EPHB6: variants seen among roughly 807,000 people sequenced by gnomAD.
EPHB6 encodes ephrin type-B receptor 6.
Under a neutral mutation model 107.0 loss-of-function variants are expected in EPHB6, and 51 were observed. That is an observed-to-expected ratio of 0.48 (90% CI 0.38 to 0.60). EPHB6 has a LOEUF of 0.60. Ranked by LOEUF, EPHB6 falls within the 20% of genes least tolerant of loss-of-function variation. The pLI is 0.00. For missense variants in EPHB6, 1,141 were observed against 1,355.5 expected (o/e 0.84, Z 2.48); for synonymous variants, 553 against 549.0 (o/e 1.01, Z -0.10).
In EPHB6 at chr7:142,865,958, A is replaced by T; in HGVS notation, c.1106-2A>T. On this transcript the variant is annotated splice_acceptor_variant, in intron 8 of 19. Coordinates refer to ENST00000652003, the MANE Select transcript of EPHB6 (RefSeq NM_004445.6). LOFTEE classifies it high-confidence loss of function. Reference sequence around the variant, plus strand: ...GGACTGCCATATCCTCCGGCCCCCCAGGTCCTCCATCGGCTCCCCAGGAGC... The same window carrying T: ...GGACTGCCATATCCTCCGGCCCCCCTGGTCCTCCATCGGCTCCCCAGGAGC... The T allele has an allele frequency of 6.2e-7, 1 of 1,613,204 alleles. No individual in the cohort carries two copies. Among genetic ancestry groups the T allele is most frequent in the Non-Finnish European group, 8.5e-7 (1 of 1,179,868 alleles).
chr7:142,866,879 C>T lies in EPHB6; in HGVS notation c.1588-27C>T. 8 of 1,613,968 alleles carry T rather than the reference C, an allele frequency of 5.0e-6. No individual in the cohort carries two copies. The highest frequency in any genetic ancestry group is 6.8e-6 in the Non-Finnish European group (8 of 1,179,948). ...GAAGCAGGGGCAAGAGGGGGCCAGG[C>T]AGGGAGTGAGTGGCTGTTACCCCCA... On this transcript the variant is annotated intron_variant, in intron 10 of 19. Coordinates refer to ENST00000652003, the MANE Select transcript of EPHB6 (RefSeq NM_004445.6). The surrounding 1 kb of genome is among the most constrained non-coding windows in gnomAD (Gnocchi z 5.2).
rs1563350135 is a variant in EPHB6 at position 142,870,584 on chromosome 7, ACC to A, written c.2862_2863del (p.Gln955GlyfsTer25). 2.5e-6 allele frequency: 4 copies of A among 1,614,100 alleles called. No homozygotes were observed. The highest frequency in any genetic ancestry group is 3.4e-6 in the Non-Finnish European group (4 of 1,179,996). ...VALDFPCLDS[P>X]QAWLSAIGLE... ...CCCTGGACTTTCCTTGTCTGGACTC[ACC>A]CCAGGCCTGGCTTTCAGCCATTGGA... On this transcript the variant is annotated frameshift_variant, in exon 19 of 20. Transcript: ENST00000652003. LOFTEE classifies it high-confidence loss of function.
rs566082521 is a variant in EPHB6, at chr7:142,867,348, C to T, written c.1751-260C>T. 1.8e-5 allele frequency: 11 copies of T among 609,928 alleles called. No individual in the cohort carries two copies. Among genetic ancestry groups the T allele is most frequent in the African/African-American group, 6.1e-5 (3 of 49,346 alleles). 37.8% of individuals were successfully genotyped at this position (609,928 alleles called of 1,614,324 possible). A position where few individuals can be genotyped will look rare whatever the true frequency, so the allele number is the denominator to read the frequency against. On this transcript the variant is annotated intron_variant, in intron 11 of 19. Transcript: ENST00000652003. This position sits in a 1 kb window ranked among gnomAD's most constrained non-coding sequence, Gnocchi z 5.3. ...GGTGTGGATGTGGGAGGGCTGTGGG[C>T]GTGTGTGTGTGTTGTGTGTCCCTGT...
chr7:142,869,145 C>T lies in EPHB6; in HGVS notation c.2458C>T (p.Gln820Ter), dbSNP rs1199769725. The change falls in exon 16 of 20, where the codon CAG becomes TAG. Residue 820 changes from glutamine to a stop codon, truncating the protein, a stop_gained and splice_region_variant. Transcript: ENST00000652003. LOFTEE classifies it high-confidence loss of function. This position sits in a 1 kb window ranked among gnomAD's most constrained non-coding sequence, Gnocchi z 4.5. ...CKVARLGHSP[Q>*]GPSCLLRWAA... is the part of the protein sequence containing the mutation. ...GGTGGCCCGTCTTGGCCACAGTCCT[C>T]AGGTGAGAGCACAGCCTTGGGGACA... 6.2e-7 allele frequency: 1 copy of T among 1,612,492 alleles called. No individual in the cohort carries two copies. Among genetic ancestry groups the T allele is most frequent in the South Asian group, 1.1e-5 (1 of 91,074 alleles).
At chr7:142,861,622 A>G (rs1486730549) in intron 2 of EPHB6, among the ~76,000 whole-genome samples, 2 of 152,202 alleles carry the variant, frequency 1.3e-5, no homozygotes, top group Non-Finnish European at 2.9e-5. Flanking sequence ...TCACTTGGAA[A>G]TGCTTTTTAT....
chr7:142,865,402 C>T lies in EPHB6; in HGVS notation c.950-73C>T, dbSNP rs988751962. Reference sequence around the variant, plus strand: ...AAGAGAAGGCTGCGAGGATACCTGCCTGCTGTGTGTTGGGAGCTCAGGGTG... The same window carrying T: ...AAGAGAAGGCTGCGAGGATACCTGCTTGCTGTGTGTTGGGAGCTCAGGGTG... On this transcript the variant is annotated intron_variant, in intron 7 of 19. Coordinates refer to ENST00000652003, the MANE Select transcript of EPHB6 (RefSeq NM_004445.6). 1.3e-5 allele frequency: 21 copies of T among 1,595,874 alleles called. No individual in the cohort carries two copies. In the African/African-American group the frequency reaches 1.9e-4, roughly 14 times the overall value.
chr7:142,867,445 T>C lies in EPHB6; in HGVS notation c.1751-163T>C. ...CCTGTGTGTGGATGTGGGAGGGCTG[T>C]GGGCGTGTGTGTGTGTTGTGTGTCC... On this transcript the variant is annotated intron_variant, in intron 11 of 19. Coordinates refer to ENST00000652003, the MANE Select transcript of EPHB6 (RefSeq NM_004445.6). The surrounding 1 kb of genome is among the most constrained non-coding windows in gnomAD (Gnocchi z 5.3). 1.4e-6 allele frequency: 1 copy of C among 693,516 alleles called. No homozygotes were observed. Among genetic ancestry groups the C allele is most frequent in the South Asian group, 1.5e-5 (1 of 65,160 alleles). The allele number at this position is 693,516 out of a possible 1,614,324, so 43.0% of individuals were successfully genotyped here. A position where few individuals can be genotyped will look rare whatever the true frequency, so the allele number is the denominator to read the frequency against.
rs1308362924 is a variant in EPHB6 at position 142,868,532 on chromosome 7, G to A, written c.2079G>A (p.Arg693=). The change falls in exon 15 of 20, where the codon CGG becomes CGA. Residue 693 remains arginine (R), a synonymous_variant. Transcript: ENST00000652003. The surrounding 1 kb of genome is among the most constrained non-coding windows in gnomAD (Gnocchi z 4.2). ...GEVRQGRLQP[R]GRREQTVAIQ... is the part of the protein sequence containing the mutation. ...TGCGCCAGGGCCGCCTGCAGCCACG[G>A]GGACGGAGGGAGCAGACTGTGGCCA... 1 of 1,613,792 alleles carries A rather than the reference G, an allele frequency of 6.2e-7. No individual in the cohort carries two copies. Among genetic ancestry groups the A allele is most frequent in the Admixed American group, 1.7e-5 (1 of 60,034 alleles).
chr7:142,856,165 G>A (rs1451715397), intron 1 of EPHB6, among the ~76,000 whole-genome samples: 1 of 152,188 alleles, frequency 6.6e-6, no homozygotes, highest in Non-Finnish European at 1.5e-5. Flanking sequence ...CCCTCCGCCC[G>A]CCAGGGGAAC....
At chr7:142,857,787 G>A (rs1041684098) in intron 1 of EPHB6, among the ~76,000 whole-genome samples, 5 of 152,162 alleles carry the variant, frequency 3.3e-5, no homozygotes, top group Admixed American at 6.5e-5. Context: ...GCTTGACATC[G>A]TCGAAGAGAA....
chr7:142,866,063 C>G lies in EPHB6; in HGVS notation c.1209C>G (p.Leu403=). The G allele has an allele frequency of 6.2e-7, 1 of 1,611,842 alleles. No individual in the cohort carries two copies. Among genetic ancestry groups the G allele is most frequent in the Non-Finnish European group, 8.5e-7 (1 of 1,178,954 alleles). The stretch of plus-strand genomic sequence containing the variant: ...AGCTGGGGGGTCGAGGGGACCTGCT[C>G]TTCAATGTCGTGTGCAAGGAGTGTG... ...PRELGGRGDL[L]FNVVCKECEG... The change falls in exon 9 of 20, where the codon CTC becomes CTG. Residue 403 remains leucine, a synonymous_variant. Coordinates refer to ENST00000652003, the MANE Select transcript of EPHB6 (RefSeq NM_004445.6). This position sits in a 1 kb window ranked among gnomAD's most constrained non-coding sequence, Gnocchi z 5.2.
At position 142,870,342 on chromosome 7, in the gene EPHB6, G is replaced by T; in HGVS notation, c.2739G>T (p.Val913=). Residue 913 remains valine (V), a synonymous_variant, in exon 18 of 20, where the codon GTG becomes GTT. Coordinates refer to ENST00000652003, the MANE Select transcript of EPHB6 (RefSeq NM_004445.6). ...GGCGGCCTCATTTTGACCAGCTGGT[G>T]GCTGCATTTGACAAGATGATCCGCA... ...RARRPHFDQL[V]AAFDKMIRKP... is the part of the protein sequence containing the mutation. The T allele has an allele frequency of 6.2e-7, 1 of 1,614,246 alleles. No individual in the cohort carries two copies. The highest frequency in any genetic ancestry group is 1.3e-5 in the African/African-American group (1 of 75,064).
At chr7:142,865,740 C>T in intron 8 of EPHB6, 110 bp downstream of exon 8, 1 of 1,484,544 alleles carries the variant, frequency 6.7e-7, no homozygotes, top group Non-Finnish European at 9.1e-7. Context: ...CTTGTTTTTC[C>T]CCTATTTTCT....
At position 142,868,039 on chromosome 7, in the gene EPHB6, C is replaced by T. The variant is rs2116463717; in HGVS notation, c.1908C>T (p.Tyr636=). ...GCTACACAGAGCAGCTGCAGCAATA[C>T]AGCAGCCCAGGTGGGGATGAGGAGA... The part of the protein sequence containing the change: ...GTGYTEQLQQ[Y]SSPGLGVKYY... Residue 636 remains tyrosine, a synonymous_variant, in exon 13 of 20, where the codon TAC becomes TAT. Transcript: ENST00000652003. This position sits in a 1 kb window ranked among gnomAD's most constrained non-coding sequence, Gnocchi z 4.2. The T allele has an allele frequency of 6.3e-7, 1 of 1,597,670 alleles. No individual in the cohort carries two copies. Among genetic ancestry groups the T allele is most frequent in the South Asian group, 1.1e-5 (1 of 88,758 alleles).
Position 142,866,548 on chromosome 7 carries a change from G to T in EPHB6, c.1530G>T (p.Pro510=). 6.2e-7 allele frequency: 1 copy of T among 1,614,142 alleles called. No individual in the cohort carries two copies. Among genetic ancestry groups the T allele is most frequent in the East Asian group, 2.2e-5 (1 of 44,884 alleles). ...RASNSITVSW[P]QPDQTNGNIL... ...CCAACAGCATCACGGTGTCCTGGCC[G>T]CAGCCCGACCAGACCAATGGGAACA... The change falls in exon 10 of 20, where the codon CCG becomes CCT. Residue 510 remains proline, a synonymous_variant. Coordinates refer to ENST00000652003, the MANE Select transcript of EPHB6 (RefSeq NM_004445.6). The surrounding 1 kb of genome is among the most constrained non-coding windows in gnomAD (Gnocchi z 5.2).
intron 4 of EPHB6, 23 bp from the exon 5 acceptor site, chr7:142,863,104 T>C (rs1802922317): frequency 1.3e-6 from 1 of 751,014 alleles, no homozygotes; most frequent in Non-Finnish European, 2.2e-6. Flanking sequence ...ACCTGCCTCT[T>C]CTGGTCTTGT....
chr7:142,863,972 G>C lies in EPHB6; in HGVS notation c.172G>C (p.Glu58Gln), dbSNP rs776478976. ...CTCCTGGCCCTTCCTGCAGTGGGAC[G>C]AGGTGAGTGTTCTGGACGACCAGCG... ...WLTYPPGGWD[E>Q]VSVLDDQRRL... The change falls in exon 7 of 20, where the codon GAG (glutamate) becomes CAG (glutamine). Residue 58 changes from glutamate to glutamine, a missense_variant. Coordinates refer to ENST00000652003, the MANE Select transcript of EPHB6 (RefSeq NM_004445.6). 6.2e-7 allele frequency: 1 copy of C among 1,614,228 alleles called. No homozygotes were observed. Among genetic ancestry groups the C allele is most frequent in the Non-Finnish European group, 8.5e-7 (1 of 1,180,030 alleles).
rs8177174 is a variant in EPHB6, at chr7:142,865,545, C to G, written c.1020C>G (p.His340Gln). ...GCTCACCATGCCCTGCCCGCAGTCACGCTCCCAACCCAGCAGCCCCCGTTT... is the reference window on the plus strand; with the variant it reads ...GCTCACCATGCCCTGCCCGCAGTCAGGCTCCCAACCCAGCAGCCCCCGTTT... ...APCSPCPARSHAPNPAAPVCP... is the reference protein window; with the variant it reads ...APCSPCPARSQAPNPAAPVCP... The change falls in exon 8 of 20, where the codon CAC becomes CAG. Residue 340 changes from histidine to glutamine, a missense_variant. Transcript: ENST00000652003. 410 of 1,613,460 alleles carry G rather than the reference C, an allele frequency of 2.5e-4. No homozygotes were observed. Among genetic ancestry groups the G allele is most frequent in the East Asian group, 3.1e-4 (14 of 44,856 alleles).
intron 17 of EPHB6, 38 bp downstream of exon 17, chr7:142,870,004 G>A (rs777025588): frequency 1.7e-5 from 27 of 1,613,846 alleles, no homozygotes; most frequent in Admixed American, 1.2e-4. Flanking sequence ...TTCCCACCCC[G>A]ATCCCTCCCA....
Sources: allele counts gnomAD v4.1 joint callset (sites outside exome capture counted in the v4.1 genomes callset), GRCh38; gene constraint gnomAD v4.1.1; non-coding constraint Gnocchi (gnomAD v3.1); transcripts MANE v1.5; gene names NCBI Gene and HGNC (gene_info 2026-07-23, HGNC 2026-07-21).